Variants in RCC1 observed in about 807,000 individuals in gnomAD.
RCC1 encodes regulator of chromosome condensation 1.
In RCC1, 11 loss-of-function variants were observed where a neutral mutation model predicts 44.4. The ratio of observed to expected loss-of-function variants is 0.25; its 90% CI spans 0.16 to 0.41. The LOEUF (loss-of-function observed/expected upper bound fraction) is 0.41. Among genes scored for constraint, RCC1 ranks in the 10% least tolerant of loss-of-function variants. The probability of loss-of-function intolerance (pLI) is 1.00; values close to 1 mark genes in which losing one functional copy is unlikely to be tolerated. For missense variants in RCC1, 386 were observed against 547.1 expected (o/e 0.71, Z 2.94); for synonymous variants, 213 against 216.5 (o/e 0.98, Z 0.14).
chr1:28,534,945 C>A, intron 7 of RCC1, 105 bp from the exon 8 acceptor site: 1 of 833,692 alleles, frequency 1.2e-6, no homozygotes, highest in South Asian at 1.4e-5. Context: ...TGTGGCCTGG[C>A]TCCTGCCCAC....
intron 5 of RCC1, among the ~76,000 whole-genome samples, chr1:28,531,265 CTTTTTT>C (rs1178899130): frequency 7.6e-6 from 1 of 132,112 alleles, no homozygotes; most frequent in Non-Finnish European, 1.6e-5. Flanking sequence ...TTTTCTTTTT[CTTTTTT>C]TTTTTTTTTT....
intron 4 of RCC1, chr1:28,527,093 C>T: frequency 9.9e-7 from 1 of 1,009,982 alleles, no homozygotes; most frequent in Non-Finnish European, 1.6e-6. Flanking sequence ...CGGAACCAGA[C>T]CACAATATGT....
chr1:28,527,105 T>G, intron 4 of RCC1: 1 of 1,074,446 alleles, frequency 9.3e-7, no homozygotes, highest in South Asian at 1.3e-5. Flanking sequence ...ACAATATGTT[T>G]GTCAAACTTG....
Position 28,536,818 on chromosome 1 carries a change from A to G in RCC1, c.1009A>G (p.Ile337Val). ...TGGAGAGGGTGCTGAGGAGAAGAGC[A>G]TACCCACCCTCATCTCCAGGCTGCC... ...GLGEGAEEKS[I>V]PTLISRLPAV... Residue 337 changes from isoleucine (I) to valine (V), a missense_variant, in exon 12 of 13, where the codon ATA (isoleucine) becomes GTA (valine). Coordinates refer to ENST00000683442, the MANE Select transcript of RCC1 (RefSeq NM_001381865.2). The surrounding 1 kb of genome is among the most constrained non-coding windows in gnomAD (Gnocchi z 4.9). 3 of 1,614,066 alleles carry G rather than the reference A, an allele frequency of 1.9e-6. No individual in the cohort carries two copies. The highest frequency in any genetic ancestry group is 2.5e-6 in the Non-Finnish European group (3 of 1,179,998).
At chr1:28,537,486 T>G (rs965164450) in intron 12 of RCC1, among the ~76,000 whole-genome samples, 17 of 152,128 alleles carry the variant, frequency 1.1e-4, no homozygotes, top group African/African-American at 3.4e-4. Flanking sequence ...CCTTGAAGGT[T>G]CCATTCCTTG....
Position 28,506,057 on chromosome 1 carries a change from G to C in RCC1, c.-289G>C, listed in dbSNP as rs975251547. The C allele has an allele frequency of 2.2e-6, 1 of 456,068 alleles. No individual in the cohort carries two copies. Among genetic ancestry groups the C allele is most frequent in the Admixed American group, 2.3e-5 (1 of 42,572 alleles). The allele number at this position is 456,068 out of a possible 1,614,324, so 28.3% of individuals were successfully genotyped here. A position where few individuals can be genotyped will look rare whatever the true frequency, so the allele number is the denominator to read the frequency against. On this transcript the variant is annotated 5_prime_UTR_variant, in exon 1 of 13. Coordinates refer to ENST00000683442, the MANE Select transcript of RCC1 (RefSeq NM_001381865.2). The stretch of plus-strand genomic sequence containing the variant: ...GTTTTCTCTCTCCTTTTTGGAGACA[G>C]ATTCGCAGTGGTCGCTTCTTCTCCT...
intron 5 of RCC1, chr1:28,530,609 C>CGACCAGG: frequency 6.2e-7 from 1 of 1,603,580 alleles, no homozygotes; most frequent in Non-Finnish European, 8.5e-7. Flanking sequence ...CCAGAAAACC[C>CGACCAGG]GACCAGGTGG....
intron 7 of RCC1, among the ~76,000 whole-genome samples, chr1:28,533,396 G>A (rs1430850755): frequency 7.3e-5 from 11 of 151,282 alleles, no homozygotes; most frequent in Non-Finnish European, 1.3e-4. Flanking sequence ...GCTTGAACCC[G>A]GGAGGCGGAG....
chr1:28,522,776 C>G (rs977983183), intron 4 of RCC1, among the ~76,000 whole-genome samples: 3 of 151,558 alleles, frequency 2.0e-5, no homozygotes, highest in Admixed American at 2.0e-4. Flanking sequence ...GTACGTGCTG[C>G]TGCACTACAG....
intron 1 of RCC1, chr1:28,506,315 G>T (rs1381830966): frequency 2.4e-6 from 1 of 423,966 alleles, no homozygotes; most frequent in Admixed American, 2.9e-5. Flanking sequence ...CTCTCCAGCA[G>T]CTGGGATTAC....
chr1:28,538,902 A>G lies in RCC1; in HGVS notation c.*895A>G, dbSNP rs1181691451. ...TGTACAGTGGCTGAGAAAATAGGAT[A>G]TAGTTTTGATTTTTTTAATTGTAAA... On this transcript the variant is annotated 3_prime_UTR_variant, in exon 13 of 13. Coordinates refer to ENST00000683442, the MANE Select transcript of RCC1 (RefSeq NM_001381865.2). The G allele has an allele frequency of 6.6e-6, 1 of 152,250 alleles. No individual in the cohort carries two copies. The highest frequency in any genetic ancestry group is 1.5e-5 in the Non-Finnish European group (1 of 68,046). The allele number at this position is 152,250 out of a possible 1,614,324, so 9.4% of individuals were successfully genotyped here.
chr1:28,507,813 G>A, intron 1 of RCC1: 2 of 333,576 alleles, frequency 6.0e-6, no homozygotes, highest in South Asian at 4.7e-5. Context: ...CACCATGTTG[G>A]TCAGGCTGGT....
rs896779121 is a variant in RCC1, at chr1:28,532,404, G to A, written c.441+54G>A. 50 of 1,592,472 alleles carry A rather than the reference G, an allele frequency of 3.1e-5. No individual in the cohort carries two copies. The African/African-American group carries it at 4.0e-4, about 13-fold the overall frequency. ...TCCCTGAAAGACAGAATTAATTGGC[G>A]GGGCCCCAAAGATAATCCACTTCCA... On this transcript the variant is annotated intron_variant, in intron 7 of 12. Transcript: ENST00000683442.
Position 28,516,847 on chromosome 1 carries a change from G to A in RCC1, c.-30G>A. 1 of 456,696 alleles carries A rather than the reference G, an allele frequency of 2.2e-6. No individual in the cohort carries two copies. Among genetic ancestry groups the A allele is most frequent in the Admixed American group, 2.4e-5 (1 of 42,552 alleles). 28.3% of individuals were successfully genotyped at this position (456,696 alleles called of 1,614,324 possible). On this transcript the variant is annotated 5_prime_UTR_variant, in exon 4 of 13. Coordinates refer to ENST00000683442, the MANE Select transcript of RCC1 (RefSeq NM_001381865.2). ...ATCCAAAAGAGGAGTCCATGATGGA[G>A]GCAGAGGTAAACTTGGAGAGGTAAG...
At chr1:28,507,467 A>G (rs1322520467) in intron 1 of RCC1, 1 of 519,066 alleles carries the variant, frequency 1.9e-6, no homozygotes. Flanking sequence ...CCTTTCCACA[A>G]CGTTGGAAAT....
rs1192610897 is a variant in RCC1, at chr1:28,532,272, G to A, written c.363G>A (p.Val121=). 1 of 1,614,038 alleles carries A rather than the reference G, an allele frequency of 6.2e-7. No homozygotes were observed. The highest frequency in any genetic ancestry group is 8.5e-7 in the Non-Finnish European group (1 of 1,180,032). Reference sequence around the variant, plus strand: ...GGAAAGTGGAGCTGCAAGAGAAGGTGGTACAGGTGTCAGCAGGAGACAGTC... The same window carrying A: ...GGAAAGTGGAGCTGCAAGAGAAGGTAGTACAGGTGTCAGCAGGAGACAGTC... ...VPGKVELQEK[V]VQVSAGDSHT... Residue 121 remains valine (V), a synonymous_variant, in exon 7 of 13, where the codon GTG becomes GTA. Transcript: ENST00000683442.
chr1:28,514,221 C>T (rs565573227), intron 3 of RCC1, among the ~76,000 whole-genome samples: 183 of 151,556 alleles, frequency 1.2e-3, no homozygotes, highest in African/African-American at 4.1e-3. Context: ...GAGGCCGAGG[C>T]GGGCGGATCA....
At chr1:28,528,811 A>C (rs1337106457) in intron 4 of RCC1, among the ~76,000 whole-genome samples, 8 of 151,096 alleles carry the variant, frequency 5.3e-5, no homozygotes, top group African/African-American at 1.9e-4. Flanking sequence ...TTTTCCAAAA[A>C]AAAAAAAAAT....
chr1:28,508,846 C>T lies in RCC1; in HGVS notation c.-212C>T, dbSNP rs748440297. The T allele has an allele frequency of 1.9e-6, 1 of 517,542 alleles. No individual in the cohort carries two copies. Among genetic ancestry groups the T allele is most frequent in the Non-Finnish European group, 3.9e-6 (1 of 259,474 alleles). The allele number at this position is 517,542 out of a possible 1,614,324, so 32.1% of individuals were successfully genotyped here. ...TTCTTTTAGGAGAGAAGACGATCTG[C>T]ACTTCGCATTTTGGCATTGACATTT... On this transcript the variant is annotated 5_prime_UTR_variant, in exon 3 of 13. Transcript: ENST00000683442.
Sources: allele counts gnomAD v4.1 joint callset (sites outside exome capture counted in the v4.1 genomes callset), GRCh38; gene constraint gnomAD v4.1.1; non-coding constraint Gnocchi (gnomAD v3.1); transcripts MANE v1.5; gene names NCBI Gene and HGNC (gene_info 2026-07-23, HGNC 2026-07-21).